DCC: variants seen among roughly 807,000 people sequenced by gnomAD.
DCC encodes netrin receptor DCC.
In DCC, 58 loss-of-function variants were observed where a neutral mutation model predicts 172.5. The ratio of observed to expected loss-of-function variants is 0.34; its 90% CI spans 0.27 to 0.42. The LOEUF (loss-of-function observed/expected upper bound fraction) is 0.42. Ranked by LOEUF, DCC falls within the 10% of genes least tolerant of loss-of-function variation. DCC has a pLI of 1.00. For missense variants in DCC, 1,740 were observed against 1,791.0 expected, an observed-to-expected ratio of 0.97 and a Z score of 0.51; for synonymous variants, 709 against 644.5, an observed-to-expected ratio of 1.10 and a Z score of -1.52.
chr18:52,740,880 A>G (rs1050465069), intron 1 of DCC, among the ~76,000 whole-genome samples: 2 of 152,152 alleles, frequency 1.3e-5, no homozygotes, highest in Non-Finnish European at 2.9e-5. Context: ...TTCCTCCTAA[A>G]TTTGAGGGTA....
intron 1 of DCC, among the ~76,000 whole-genome samples, chr18:52,634,712 T>C (rs1460661055): frequency 6.6e-6 from 1 of 152,222 alleles, no homozygotes; most frequent in Non-Finnish European, 1.5e-5. Context: ...CCATAAGACT[T>C]ATTTCATTTC....
At chr18:52,737,003 G>C (rs891445454) in intron 1 of DCC, among the ~76,000 whole-genome samples, 8 of 152,112 alleles carry the variant, frequency 5.3e-5, no homozygotes. Flanking sequence ...TTAGTTCTGA[G>C]TATTTCATGA....
intron 7 of DCC, among the ~76,000 whole-genome samples, chr18:53,109,756 A>G (rs1202605463): frequency 6.6e-6 from 1 of 151,618 alleles, no homozygotes; most frequent in Non-Finnish European, 1.5e-5. Context: ...TAGAGGCCAG[A>G]GATGCCTTTA....
intron 2 of DCC, among the ~76,000 whole-genome samples, chr18:52,771,430 C>T (rs1332535079): frequency 6.6e-6 from 1 of 152,308 alleles, no homozygotes; most frequent in Admixed American, 6.5e-5. Flanking sequence ...GAGCCACTAG[C>T]CTTCTTCTCC....
At chr18:52,683,413 T>C (rs1466920499) in intron 1 of DCC, among the ~76,000 whole-genome samples, 1 of 152,108 alleles carries the variant, frequency 6.6e-6, no homozygotes. Flanking sequence ...TCTAAATTTC[T>C]AGAGCAAACA....
At chr18:52,702,752 T>G (rs2036146443) in intron 1 of DCC, among the ~76,000 whole-genome samples, 1 of 152,160 alleles carries the variant, frequency 6.6e-6, no homozygotes, top group Non-Finnish European at 1.5e-5. Flanking sequence ...CATCCTTCAT[T>G]CAAACCAATT....
At chr18:53,203,807 C>T (rs1470696304) in intron 9 of DCC, among the ~76,000 whole-genome samples, 1 of 152,166 alleles carries the variant, frequency 6.6e-6, no homozygotes, top group Non-Finnish European at 1.5e-5. Flanking sequence ...TTAAGTAAGG[C>T]TGTAGTTAAA....
chr18:53,397,646 G>A (rs1909039350), intron 18 of DCC, among the ~76,000 whole-genome samples, 200 bp downstream of exon 18: 1 of 152,110 alleles, frequency 6.6e-6, no homozygotes, highest in South Asian at 2.1e-4. Flanking sequence ...AATGGCTTAA[G>A]TAATCTGCTT....
chr18:52,665,141 C>T (rs772670833), intron 1 of DCC, among the ~76,000 whole-genome samples: 69 of 152,168 alleles, frequency 4.5e-4, no homozygotes, highest in Non-Finnish European at 7.9e-4. Flanking sequence ...TATCCCTTTT[C>T]CAATTTTCAG....
chr18:52,879,833 T>C (rs2039457445), intron 2 of DCC, among the ~76,000 whole-genome samples: 1 of 152,200 alleles, frequency 6.6e-6, no homozygotes, highest in Non-Finnish European at 1.5e-5. Context: ...CTTTGTTTTA[T>C]GATATTGAAA....
intron 1 of DCC, among the ~76,000 whole-genome samples, chr18:52,613,333 G>C (rs1025975273): frequency 1.3e-5 from 2 of 152,066 alleles, no homozygotes; most frequent in Non-Finnish European, 2.9e-5. Context: ...TCAGCTCACC[G>C]CAAGCTCCGC....
At chr18:52,630,173 C>A (rs1051767276) in intron 1 of DCC, among the ~76,000 whole-genome samples, 2 of 151,978 alleles carry the variant, frequency 1.3e-5, no homozygotes, top group African/African-American at 4.8e-5. Flanking sequence ...AACAACATTC[C>A]TATCCAAATA....
intron 15 of DCC, among the ~76,000 whole-genome samples, chr18:53,374,798 G>A (rs1025472189): frequency 6.6e-6 from 1 of 152,160 alleles, no homozygotes; most frequent in African/African-American, 2.4e-5. Flanking sequence ...AACATACTGT[G>A]ATGTTAGGAG....
intron 12 of DCC, among the ~76,000 whole-genome samples, chr18:53,262,763 G>C (rs1051111264): frequency 6.6e-6 from 1 of 152,072 alleles, no homozygotes; most frequent in African/African-American, 2.4e-5. Context: ...TTTAATGGAG[G>C]GTTGAAAATG....
At chr18:52,881,593 G>T (rs752414956) in intron 2 of DCC, among the ~76,000 whole-genome samples, 2 of 151,922 alleles carry the variant, frequency 1.3e-5, no homozygotes, top group Non-Finnish European at 1.5e-5. Flanking sequence ...ACCGTTCATT[G>T]TTGAAAATGA....
chr18:52,518,999 T>G (rs1382655779), intron 1 of DCC, among the ~76,000 whole-genome samples: 1 of 152,176 alleles, frequency 6.6e-6, no homozygotes, highest in Non-Finnish European at 1.5e-5. Context: ...GTTGAAACAG[T>G]TTTCAGTAGG....
intron 1 of DCC, among the ~76,000 whole-genome samples, chr18:52,603,058 A>G (rs2034051240): frequency 6.6e-6 from 1 of 152,134 alleles, no homozygotes; most frequent in African/African-American, 2.4e-5. Context: ...GTGCTTTTGA[A>G]CATGTAGCTC....
At chr18:53,128,862 CACACACACATATATATAT>C (rs1357538237) in intron 7 of DCC, among the ~76,000 whole-genome samples, 26 of 81,096 alleles carry the variant, frequency 3.2e-4, no homozygotes, top group Middle Eastern at 6.3e-3. Context: ...CACACACACA[CACACACACATATATATAT>C]ATATATATAT....
intron 12 of DCC, among the ~76,000 whole-genome samples, chr18:53,283,385 C>A (rs180751083): frequency 6.6e-6 from 1 of 152,154 alleles, no homozygotes. Flanking sequence ...TCCCCTATTT[C>A]TCTCTCTCTT....
Sources: allele counts gnomAD v4.1 joint callset (sites outside exome capture counted in the v4.1 genomes callset), GRCh38; gene constraint gnomAD v4.1.1; transcripts MANE v1.5; gene names NCBI Gene and HGNC (gene_info 2026-07-23, HGNC 2026-07-21).